Variants in CTNNA2 observed in about 807,000 individuals in gnomAD.
CTNNA2 encodes the protein catenin alpha-2.
CTNNA2 carries 42 observed loss-of-function variants against 101.0 expected under a neutral mutation model. The observed-to-expected ratio is 0.42, with a 90% CI of 0.32 to 0.54. CTNNA2 has a LOEUF of 0.54. Ranked by LOEUF, CTNNA2 falls within the 20% of genes least tolerant of loss-of-function variation. The pLI is 0.14. For synonymous variants in CTNNA2, 450 were observed against 456.4 expected, an observed-to-expected ratio of 0.99 and a Z score of 0.18; for missense variants, 871 against 1,223.1, an observed-to-expected ratio of 0.71 and a Z score of 4.29.
At chr2:79,223,324 G>A (rs1031935272) in intron 2 of CTNNA2, among the ~76,000 whole-genome samples, 4 of 152,164 alleles carry the variant, frequency 2.6e-5, no homozygotes, top group Non-Finnish European at 4.4e-5. Context: ...GCAAAATTGT[G>A]AGAAATAAAT....
At chr2:80,128,780 A>G (rs1478011117) in intron 7 of CTNNA2, among the ~76,000 whole-genome samples, 1 of 152,158 alleles carries the variant, frequency 6.6e-6, no homozygotes, top group Non-Finnish European at 1.5e-5. Flanking sequence ...CGATTCCAAA[A>G]TTACTGATCC....
At chr2:79,386,099 A>G (rs1678102792) in intron 4 of CTNNA2, among the ~76,000 whole-genome samples, 1 of 152,156 alleles carries the variant, frequency 6.6e-6, no homozygotes, top group Admixed American at 6.5e-5. Flanking sequence ...TCCTTGAGGA[A>G]TTGCCACACT....
chr2:79,978,001 C>T (rs181343992), intron 7 of CTNNA2, among the ~76,000 whole-genome samples: 146 of 152,212 alleles, frequency 9.6e-4, no homozygotes, highest in East Asian at 3.1e-3. Context: ...AGAGCAGCAG[C>T]GGGTGGTGAC....
At chr2:80,620,303 T>A (rs1029476226) in intron 18 of CTNNA2, among the ~76,000 whole-genome samples, 1 of 146,150 alleles carries the variant, frequency 6.8e-6, no homozygotes, top group East Asian at 2.0e-4. Flanking sequence ...TGATGAACAT[T>A]TGTGTTGGAG....
intron 18 of CTNNA2, 62 bp downstream of exon 18, chr2:80,619,290 G>C: frequency 7.2e-7 from 1 of 1,381,728 alleles, no homozygotes; most frequent in Non-Finnish European, 9.5e-7. Context: ...TGAAGGCAGG[G>C]GGGATTGGAT....
At chr2:79,768,978 C>T (rs1373878820) in intron 3 of CTNNA2, among the ~76,000 whole-genome samples, 1 of 152,138 alleles carries the variant, frequency 6.6e-6, no homozygotes, top group African/African-American at 2.4e-5. Flanking sequence ...CCTCAGCCTC[C>T]TGAGTAGCTG....
chr2:79,765,866 T>C (rs182187761), intron 3 of CTNNA2, among the ~76,000 whole-genome samples: 1 of 152,354 alleles, frequency 6.6e-6, no homozygotes, highest in African/African-American at 2.4e-5. Context: ...CCCTCACCTT[T>C]GCCCTTCTCC....
At chr2:79,307,714 T>C (rs956315242) in intron 2 of CTNNA2, among the ~76,000 whole-genome samples, 2 of 152,206 alleles carry the variant, frequency 1.3e-5, no homozygotes, top group Non-Finnish European at 2.9e-5. Context: ...ATATTGATTT[T>C]CTTTCCTCTG....
At chr2:79,803,015 T>C (rs749486434) in intron 3 of CTNNA2, among the ~76,000 whole-genome samples, 17 of 152,222 alleles carry the variant, frequency 1.1e-4, no homozygotes, top group Non-Finnish European at 8.8e-5. Flanking sequence ...ACATATAATG[T>C]AATGAAAAAA....
intron 7 of CTNNA2, among the ~76,000 whole-genome samples, chr2:79,964,648 G>A (rs541491715): frequency 6.6e-6 from 1 of 152,304 alleles, no homozygotes; most frequent in East Asian, 1.9e-4. Context: ...TCTGAAGGAT[G>A]CAGATAGACG....
chr2:80,193,909 C>T (rs1431568499), intron 7 of CTNNA2, among the ~76,000 whole-genome samples: 1 of 152,168 alleles, frequency 6.6e-6, no homozygotes, highest in East Asian at 1.9e-4. Context: ...GTCTGCATAT[C>T]TTGCCTGTAA....
chr2:80,302,884 G>A lies in CTNNA2; in HGVS notation c.1057-90327G>A. On this transcript the variant is annotated intron_variant, in intron 7 of 18. Coordinates refer to ENST00000402739, the MANE Select transcript of CTNNA2 (RefSeq NM_001282597.3). The surrounding 1 kb of genome is among the most constrained non-coding windows in gnomAD (Gnocchi z 6.4). ...TGCGCCCGCAATCCCACAGGTTCCC[G>A]GCCAGGGTGATGCTTGTCAGGGACT... 2.5e-6 allele frequency: 4 copies of A among 1,614,124 alleles called. No individual in the cohort carries two copies. The highest frequency in any genetic ancestry group is 1.1e-5 in the South Asian group (1 of 91,082).
At chr2:80,131,278 C>G (rs1573174823) in intron 7 of CTNNA2, among the ~76,000 whole-genome samples, 1 of 151,934 alleles carries the variant, frequency 6.6e-6, no homozygotes, top group Non-Finnish European at 1.5e-5. Context: ...AGGCTGGTCT[C>G]GAACTCCTGG....
At chr2:80,291,105 A>G (rs1181742401) in intron 7 of CTNNA2, among the ~76,000 whole-genome samples, 4 of 152,158 alleles carry the variant, frequency 2.6e-5, no homozygotes, top group Non-Finnish European at 5.9e-5. Context: ...TGGAATCTCA[A>G]TTCCCTAGTT....
At chr2:80,575,606 A>G (rs1479050335) in intron 13 of CTNNA2, among the ~76,000 whole-genome samples, 3 of 152,136 alleles carry the variant, frequency 2.0e-5, no homozygotes, top group African/African-American at 7.2e-5. Context: ...GACCATGAGA[A>G]TTGTATTTTC....
At chr2:80,210,821 C>G (rs1213832599) in intron 7 of CTNNA2, among the ~76,000 whole-genome samples, 1 of 152,184 alleles carries the variant, frequency 6.6e-6, no homozygotes, top group Non-Finnish European at 1.5e-5. Context: ...AACTAGTTTA[C>G]AGTCCCACCA....
chr2:80,493,482 T>C (rs1687215052), intron 9 of CTNNA2, among the ~76,000 whole-genome samples: 1 of 152,116 alleles, frequency 6.6e-6, no homozygotes, highest in African/African-American at 2.4e-5. Flanking sequence ...CCTGAATTTA[T>C]AAAATGGGAA....
chr2:79,793,870 A>ACACACACACACACTCATG (rs1558934462), intron 3 of CTNNA2, among the ~76,000 whole-genome samples: 1 of 138,226 alleles, frequency 7.2e-6, no homozygotes. Flanking sequence ...CCCCAATACC[A>ACACACACACACACTCATG]CACACACACA....
intron 7 of CTNNA2, among the ~76,000 whole-genome samples, chr2:79,938,001 A>T (rs1345355393): frequency 1.3e-5 from 2 of 152,160 alleles, no homozygotes; most frequent in Admixed American, 6.5e-5. Flanking sequence ...TTTAAACTCT[A>T]TGTTACTCAG....
Sources: allele counts gnomAD v4.1 joint callset (sites outside exome capture counted in the v4.1 genomes callset), GRCh38; gene constraint gnomAD v4.1.1; non-coding constraint Gnocchi (gnomAD v3.1); transcripts MANE v1.5; gene names NCBI Gene and HGNC (gene_info 2026-07-23, HGNC 2026-07-21).